PDZRN4: variants seen among roughly 807,000 people sequenced by gnomAD.
PDZRN4 encodes PDZ domain-containing RING finger protein 4.
PDZRN4 carries 70 observed loss-of-function variants against 99.0 expected under a neutral mutation model. The observed-to-expected ratio is 0.71, with a 90% CI of 0.58 to 0.86. PDZRN4 has a LOEUF of 0.86. Among genes scored for constraint, PDZRN4 ranks in the 40% least tolerant of loss-of-function variants. The pLI is 0.00. For missense variants in PDZRN4, 1,474 were observed against 1,331.2 expected, an observed-to-expected ratio of 1.11 and a Z score of -1.67; for synonymous variants, 551 against 501.6, an observed-to-expected ratio of 1.10 and a Z score of -1.32.
At chr12:41,431,326 T>C (rs1952584342) in intron 3 of PDZRN4, among the ~76,000 whole-genome samples, 1 of 152,194 alleles carries the variant, frequency 6.6e-6, no homozygotes, top group African/African-American at 2.4e-5. Context: ...GTGCTATTAT[T>C]ATCCCTGTTT....
At chr12:41,239,500 A>T (rs550105162) in intron 3 of PDZRN4, among the ~76,000 whole-genome samples, 9 of 152,360 alleles carry the variant, frequency 5.9e-5, no homozygotes, top group African/African-American at 2.2e-4. Context: ...TATAGGGGAT[A>T]AATCTGCCAC....
At chr12:41,557,963 T>C (rs1241814920) in intron 7 of PDZRN4, among the ~76,000 whole-genome samples, 1 of 152,146 alleles carries the variant, frequency 6.6e-6, no homozygotes, top group Non-Finnish European at 1.5e-5. Flanking sequence ...AATCAATGAA[T>C]GAAACCAGGG....
At chr12:41,271,544 T>C (rs1220135440) in intron 3 of PDZRN4, among the ~76,000 whole-genome samples, 2 of 152,176 alleles carry the variant, frequency 1.3e-5, no homozygotes, top group Non-Finnish European at 1.5e-5. Flanking sequence ...ATTAAAATGC[T>C]AGCCTCCTGG....
chr12:41,223,369 T>A (rs1234530598), intron 3 of PDZRN4, among the ~76,000 whole-genome samples: 2 of 152,074 alleles, frequency 1.3e-5, no homozygotes, highest in Non-Finnish European at 2.9e-5. Flanking sequence ...CCCTGTCTCT[T>A]CCTTCTCTTC....
At chr12:41,326,762 T>G (rs1051390236) in intron 3 of PDZRN4, among the ~76,000 whole-genome samples, 3 of 152,162 alleles carry the variant, frequency 2.0e-5, no homozygotes, top group Non-Finnish European at 4.4e-5. Context: ...TATTCCTGCT[T>G]ACAGTTGGAA....
At chr12:41,200,711 T>A (rs1158876813) in intron 3 of PDZRN4, among the ~76,000 whole-genome samples, 10 of 152,142 alleles carry the variant, frequency 6.6e-5, no homozygotes, top group Non-Finnish European at 1.5e-4. Context: ...TGCTTTTAGG[T>A]AAAATTCCAA....
intron 3 of PDZRN4, among the ~76,000 whole-genome samples, chr12:41,245,002 T>C (rs1209230284): frequency 1.3e-5 from 2 of 152,152 alleles, no homozygotes; most frequent in Non-Finnish European, 2.9e-5. Flanking sequence ...CACCACTGTC[T>C]TGACACTCCC....
At chr12:41,377,761 T>C (rs890990117) in intron 3 of PDZRN4, among the ~76,000 whole-genome samples, 2 of 152,192 alleles carry the variant, frequency 1.3e-5, no homozygotes, top group Admixed American at 6.5e-5. Context: ...GTAAATGGTA[T>C]TTTCTTAATT....
intron 3 of PDZRN4, among the ~76,000 whole-genome samples, chr12:41,404,513 C>A (rs1952328771): frequency 3.3e-5 from 5 of 151,982 alleles, no homozygotes; most frequent in Admixed American, 3.3e-4. Context: ...AGAGATGACA[C>A]AAGTAAATGG....
chr12:41,269,823 A>G (rs1351500043), intron 3 of PDZRN4, among the ~76,000 whole-genome samples: 1 of 152,198 alleles, frequency 6.6e-6, no homozygotes, highest in Non-Finnish European at 1.5e-5. Context: ...AAGACTTGCT[A>G]TGCACAGACC....
chr12:41,500,187 A>AGACT (rs1798107717), intron 3 of PDZRN4, among the ~76,000 whole-genome samples: 1 of 151,984 alleles, frequency 6.6e-6, no homozygotes, highest in South Asian at 2.1e-4. Context: ...GTAAGGGAAC[A>AGACT]GACTACTGGA....
intron 5 of PDZRN4, among the ~76,000 whole-genome samples, chr12:41,543,249 G>T (rs116593492): frequency 1.3e-5 from 2 of 152,000 alleles, no homozygotes; most frequent in Non-Finnish European, 2.9e-5. Context: ...TTAAGCCTCC[G>T]TCTATAGACA....
chr12:41,282,983 C>T (rs916209251), intron 3 of PDZRN4, among the ~76,000 whole-genome samples: 1 of 152,054 alleles, frequency 6.6e-6, no homozygotes, highest in Non-Finnish European at 1.5e-5. Context: ...CAAGAGCAAA[C>T]AAATTCAAAA....
intron 2 of PDZRN4, among the ~76,000 whole-genome samples, chr12:41,192,900 A>C (rs1274241231): frequency 6.6e-6 from 1 of 152,230 alleles, no homozygotes; most frequent in Admixed American, 6.5e-5. Context: ...TCCTGTGTCA[A>C]CTTAATTTTC....
chr12:41,284,806 T>C (rs990369716), intron 3 of PDZRN4, among the ~76,000 whole-genome samples: 5 of 152,158 alleles, frequency 3.3e-5, no homozygotes, highest in African/African-American at 1.2e-4. Flanking sequence ...GCTAGCCATA[T>C]GCAGAAAACT....
At chr12:41,443,126 T>A (rs1270226579) in intron 3 of PDZRN4, among the ~76,000 whole-genome samples, 1 of 152,138 alleles carries the variant, frequency 6.6e-6, no homozygotes, top group African/African-American at 2.4e-5. Flanking sequence ...GACTTTGCCA[T>A]GTGATAGTCC....
intron 3 of PDZRN4, among the ~76,000 whole-genome samples, chr12:41,238,030 A>G (rs1000526127): frequency 2.6e-5 from 4 of 152,102 alleles, no homozygotes; most frequent in African/African-American, 9.7e-5. Flanking sequence ...GTTTAACGGG[A>G]ATAACACTGA....
chr12:41,239,080 T>A (rs940297127), intron 3 of PDZRN4, among the ~76,000 whole-genome samples: 2 of 152,158 alleles, frequency 1.3e-5, no homozygotes, highest in African/African-American at 4.8e-5. Context: ...CCATCAATGA[T>A]AGACTGGATA....
intron 5 of PDZRN4, among the ~76,000 whole-genome samples, chr12:41,513,039 C>T (rs528755552): frequency 1.3e-5 from 2 of 152,154 alleles, no homozygotes; most frequent in Admixed American, 6.6e-5. Context: ...GACCTACTTA[C>T]TATTAACTCA....
Sources: gnomAD v4.1 joint callset for allele counts (sites outside exome capture counted in the v4.1 genomes callset) on GRCh38, gnomAD v4.1.1 for gene constraint, MANE v1.5 for transcripts, NCBI Gene and HGNC (gene_info 2026-07-23, HGNC 2026-07-21) for gene names.